ASB4: variants seen among roughly 807,000 people sequenced by gnomAD.
ASB4 encodes the protein ankyrin repeat and SOCS box protein 4.
ASB4 carries 35 observed loss-of-function variants against 38.6 expected under a neutral mutation model. The ratio of observed to expected loss-of-function variants is 0.91; its 90% CI spans 0.69 to 1.20. ASB4 has a LOEUF of 1.20. Among genes scored for constraint, ASB4 ranks in the 50% most tolerant of loss-of-function variants. The pLI is 0.00. For synonymous variants in ASB4, 195 were observed against 201.3 expected (o/e 0.97, Z 0.26); for missense variants, 557 against 527.2 (o/e 1.06, Z -0.55).
At chr7:95,491,804 G>A (rs1258085603) in intron 1 of ASB4, among the ~76,000 whole-genome samples, 1 of 152,184 alleles carries the variant, frequency 6.6e-6, no homozygotes, top group Non-Finnish European at 1.5e-5. Flanking sequence ...GCTACACAGT[G>A]ACCTGTAGGC....
intron 1 of ASB4, among the ~76,000 whole-genome samples, chr7:95,487,792 G>C (rs967926170): frequency 1.3e-5 from 2 of 152,150 alleles, no homozygotes; most frequent in African/African-American, 4.8e-5. Flanking sequence ...CTTTCAATTA[G>C]GGAGATAGCA....
rs7784619 is a variant in ASB4, at chr7:95,538,231, G to A, written c.*472G>A. ...AGCAGTAATTACTGTCACTAGTTTT[G>A]CAAACTCCTACTCCCCAAACCAAGC... On this transcript the variant is annotated 3_prime_UTR_variant, in exon 5 of 5. Transcript: ENST00000325885. 0.42 allele frequency: 63,732 copies of A among 152,754 alleles called. 15,866 individuals are homozygous for A. The highest frequency in any genetic ancestry group is 0.85 in the East Asian group (4,397 of 5,194). The allele number at this position is 152,754 out of a possible 1,614,324, so 9.5% of individuals were successfully genotyped here.
At chr7:95,515,402 T>C (rs1790569511) in intron 2 of ASB4, among the ~76,000 whole-genome samples, 1 of 142,424 alleles carries the variant, frequency 7.0e-6, no homozygotes, top group African/African-American at 2.6e-5. Context: ...TTTCTTTTCT[T>C]TTCTTTTTCC....
upstream of ASB4, among the ~76,000 whole-genome samples, chr7:95,474,173 C>T (rs538512514): frequency 2.6e-5 from 4 of 152,306 alleles, no homozygotes; most frequent in Non-Finnish European, 4.4e-5. Flanking sequence ...TTCAAATTAG[C>T]GAATATGCAT....
the ASB4 span, among the ~76,000 whole-genome samples, chr7:95,472,728 A>G: frequency 6.6e-6 from 1 of 152,212 alleles, no homozygotes; most frequent in Non-Finnish European, 1.5e-5. Context: ...GCTTCTTTGC[A>G]GTATGATAAA....
intron 2 of ASB4, among the ~76,000 whole-genome samples, chr7:95,524,251 G>A (rs551902451): frequency 2.0e-5 from 3 of 152,196 alleles, no homozygotes; most frequent in African/African-American, 2.4e-5. Context: ...CAGTTGAATG[G>A]ATAAATTGTG....
At chr7:95,480,611 G>T (rs1302485362) in intron 1 of ASB4, among the ~76,000 whole-genome samples, 1 of 152,260 alleles carries the variant, frequency 6.6e-6, no homozygotes. Flanking sequence ...AGAACTACAT[G>T]GACACAAACC....
At chr7:95,482,920 G>A (rs528023669), upstream of ASB4, among the ~76,000 whole-genome samples, 3 of 152,310 alleles carry the variant, frequency 2.0e-5, no homozygotes, top group South Asian at 6.2e-4. Context: ...CGAGGACACT[G>A]AGGTTAGCGG....
downstream of ASB4, among the ~76,000 whole-genome samples, chr7:95,541,290 T>A (rs1790966409): frequency 6.6e-6 from 1 of 152,210 alleles, no homozygotes; most frequent in African/African-American, 2.4e-5. Flanking sequence ...GAGGGTTAAG[T>A]TATTAACAGA....
In ASB4 at chr7:95,495,880, A is replaced by C; in HGVS notation, c.310A>C (p.Arg104=). The C allele has an allele frequency of 6.2e-7, 1 of 1,614,104 alleles. No homozygotes were observed. Among genetic ancestry groups the C allele is most frequent in the Non-Finnish European group, 8.5e-7 (1 of 1,180,028 alleles). Residue 104 remains arginine, a synonymous_variant, in exon 2 of 5, where the codon AGA becomes CGA. Coordinates refer to ENST00000325885, the MANE Select transcript of ASB4 (RefSeq NM_016116.3). ...LLDHNATINC[R]PNGKTPLHVA... ...GGACCACAATGCTACAATCAACTGT[A>C]GACCCAATGGGAAAACCCCTCTTCA...
At chr7:95,550,469 AG>A in the ASB4 span, among the ~76,000 whole-genome samples, 4 of 152,164 alleles carry the variant, frequency 2.6e-5, no homozygotes, top group Non-Finnish European at 5.9e-5. Context: ...TGTGGTGCTG[AG>A]TTATTACCGC....
intron 2 of ASB4, among the ~76,000 whole-genome samples, chr7:95,496,661 A>G (rs921542064): frequency 2.0e-5 from 3 of 152,120 alleles, no homozygotes; most frequent in Admixed American, 6.5e-5. Context: ...AGTCTCGGCA[A>G]CATAGGGAGA....
intron 1 of ASB4, among the ~76,000 whole-genome samples, chr7:95,491,584 T>C (rs1177513115): frequency 6.6e-6 from 1 of 152,174 alleles, no homozygotes; most frequent in Admixed American, 6.5e-5. Flanking sequence ...GAAGGGAGTG[T>C]GTAAAAAATG....
chr7:95,497,607 T>C (rs935670181), intron 2 of ASB4, among the ~76,000 whole-genome samples: 1 of 152,252 alleles, frequency 6.6e-6, no homozygotes, highest in Non-Finnish European at 1.5e-5. Flanking sequence ...CAGTACAATT[T>C]AACATTTTGA....
chr7:95,487,282 G>A (rs1040342880), intron 1 of ASB4, among the ~76,000 whole-genome samples: 17 of 152,188 alleles, frequency 1.1e-4, no homozygotes, highest in African/African-American at 4.1e-4. Context: ...ATTTTGATGG[G>A]AAGACAAAGA....
intron 3 of ASB4, among the ~76,000 whole-genome samples, chr7:95,532,170 G>C (rs932717440): frequency 6.6e-6 from 1 of 152,200 alleles, no homozygotes; most frequent in African/African-American, 2.4e-5. Context: ...CGACAAGTAA[G>C]TGACTGACTC....
rs1584092976 is a variant in ASB4 at position 95,528,401 on chromosome 7, C to G, written c.978+98C>G. The G allele has an allele frequency of 1.5e-5, 24 of 1,574,592 alleles. No homozygotes were observed. In the East Asian group the frequency reaches 5.4e-4, roughly 35 times the overall value. ...CTCAAGCTTGCTTGAGGCTTGAGTC[C>G]TGGGCTAACTACCTCTGATCCTCTT... On this transcript the variant is annotated intron_variant, in intron 3 of 4. Coordinates refer to ENST00000325885, the MANE Select transcript of ASB4 (RefSeq NM_016116.3).
chr7:95,528,694 G>T (rs1584093142), intron 3 of ASB4: 1 of 1,083,730 alleles, frequency 9.2e-7, no homozygotes. Context: ...AAATTAGCTT[G>T]TAGCCATGAA....
At chr7:95,487,740 C>T (rs1345688240) in intron 1 of ASB4, among the ~76,000 whole-genome samples, 1 of 152,104 alleles carries the variant, frequency 6.6e-6, no homozygotes, top group Non-Finnish European at 1.5e-5. Context: ...TTCATTCCCA[C>T]GAATTGAGGT....
Sources: allele counts gnomAD v4.1 joint callset (sites outside exome capture counted in the v4.1 genomes callset), GRCh38; gene constraint gnomAD v4.1.1; transcripts MANE v1.5; gene names NCBI Gene and HGNC (gene_info 2026-07-23, HGNC 2026-07-21).